Variants in STK32B observed in about 807,000 individuals in gnomAD.
STK32B encodes the protein serine/threonine-protein kinase 32B.
STK32B carries 43 observed loss-of-function variants against 52.6 expected under a neutral mutation model. That is an observed-to-expected ratio of 0.82 (90% CI 0.64 to 1.05). The LOEUF (loss-of-function observed/expected upper bound fraction) is 1.05. Ranked by LOEUF, STK32B falls within the 50% of genes least tolerant of loss-of-function variation. STK32B has a pLI of 0.00. For synonymous variants in STK32B, 238 were observed against 204.3 expected (o/e 1.17, Z -1.41); for missense variants, 621 against 534.6 (o/e 1.16, Z -1.59).
chr4:5,027,363 C>A, the STK32B span, among the ~76,000 whole-genome samples: 1 of 152,148 alleles, frequency 6.6e-6, no homozygotes, highest in African/African-American at 2.4e-5. Context: ...TGAGAAACAG[C>A]AGGCAGGAGG....
intron 4 of STK32B, among the ~76,000 whole-genome samples, chr4:5,363,333 T>C (rs991404771): frequency 6.6e-6 from 1 of 152,240 alleles, no homozygotes; most frequent in Non-Finnish European, 1.5e-5. Context: ...ATTCCACTTT[T>C]TTTAGAGGTG....
At chr4:5,105,055 G>C (rs1398595353) in intron 1 of STK32B, among the ~76,000 whole-genome samples, 2 of 152,212 alleles carry the variant, frequency 1.3e-5, no homozygotes, top group Non-Finnish European at 2.9e-5. Flanking sequence ...TGCGACGTAA[G>C]AGGGATCCCT....
the STK32B span, among the ~76,000 whole-genome samples, chr4:5,030,526 G>C: frequency 6.6e-6 from 1 of 152,236 alleles, no homozygotes; most frequent in Non-Finnish European, 1.5e-5. Flanking sequence ...GATACAGTGT[G>C]AGCCGGGTGT....
At chr4:5,459,102 G>A (rs1421208418) in intron 8 of STK32B, among the ~76,000 whole-genome samples, 2 of 152,230 alleles carry the variant, frequency 1.3e-5, no homozygotes. Flanking sequence ...GGCACCCACT[G>A]TTTTGGGACA....
At chr4:5,370,151 A>G (rs1373366531) in intron 4 of STK32B, among the ~76,000 whole-genome samples, 1 of 151,680 alleles carries the variant, frequency 6.6e-6, no homozygotes, top group African/African-American at 2.4e-5. Flanking sequence ...CTGGGATTAC[A>G]GGCGTGAGCC....
chr4:5,223,682 T>C (rs1368249836), intron 3 of STK32B, among the ~76,000 whole-genome samples: 1 of 151,972 alleles, frequency 6.6e-6, no homozygotes, highest in South Asian at 2.1e-4. Context: ...CCAGGCGTGG[T>C]GGTGGACACC....
chr4:5,074,212 G>GCA (rs1056673814), intron 1 of STK32B, among the ~76,000 whole-genome samples: 5 of 151,538 alleles, frequency 3.3e-5, no homozygotes, highest in Middle Eastern at 3.4e-3. Context: ...GTGTGTGTGC[G>GCA]CGTGCGTGAA....
At chr4:5,480,644 C>T (rs867747779) in intron 11 of STK32B, among the ~76,000 whole-genome samples, 2 of 151,832 alleles carry the variant, frequency 1.3e-5, no homozygotes, top group African/African-American at 4.8e-5. Context: ...AGGTTAGTTA[C>T]ATTTGTGTAC....
chr4:5,379,191 A>G (rs143095760), intron 4 of STK32B, among the ~76,000 whole-genome samples: 1,708 of 152,240 alleles, frequency 0.011, 20 homozygotes, highest in South Asian at 0.057. Flanking sequence ...GCGGAGCTGG[A>G]CTGGAACCCA....
intron 4 of STK32B, among the ~76,000 whole-genome samples, chr4:5,342,215 T>A (rs10018232): frequency 0.35 from 52,842 of 151,934 alleles, 11,880 homozygotes; most frequent in African/African-American, 0.64. Context: ...TACCCAAAGG[T>A]TTATAAATCA....
chr4:5,457,306 C>T (rs9762808), intron 8 of STK32B, among the ~76,000 whole-genome samples: 4,321 of 150,450 alleles, frequency 0.029, 212 homozygotes, highest in African/African-American at 0.099. Context: ...AGCTCCGCCT[C>T]CCGGGTTCAC....
chr4:5,229,063 A>C (rs545250432), intron 3 of STK32B, among the ~76,000 whole-genome samples: 1 of 152,186 alleles, frequency 6.6e-6, no homozygotes, highest in Non-Finnish European at 1.5e-5. Context: ...CTTAATTAAA[A>C]ATACTTTATT....
the STK32B span, among the ~76,000 whole-genome samples, chr4:5,032,738 A>G: frequency 2.0e-5 from 3 of 152,132 alleles, no homozygotes; most frequent in East Asian, 5.8e-4. Context: ...ATCTACCTCT[A>G]GAACTTTCTC....
chr4:5,172,792 A>T (rs538285535), intron 3 of STK32B, among the ~76,000 whole-genome samples: 3 of 152,178 alleles, frequency 2.0e-5, no homozygotes, highest in South Asian at 2.1e-4. Context: ...TGTCTCTGCC[A>T]GGCTTTGGTA....
intron 2 of STK32B, among the ~76,000 whole-genome samples, chr4:5,163,583 A>AGTGTGTGTGTGTGT (rs1560189497): frequency 1.0e-5 from 1 of 99,254 alleles, no homozygotes; most frequent in Non-Finnish European, 2.4e-5. Context: ...TGTGTGTGTA[A>AGTGTGTGTGTGTGT]GAGAGAGAGA....
intron 3 of STK32B, among the ~76,000 whole-genome samples, chr4:5,281,503 C>T (rs866901003): frequency 1.2e-3 from 179 of 152,206 alleles, no homozygotes; most frequent in African/African-American, 4.1e-3. Flanking sequence ...AGGCCCTAAA[C>T]CCTAGATTAC....
chr4:5,379,215 C>T (rs917313397), intron 4 of STK32B, among the ~76,000 whole-genome samples: 3 of 152,266 alleles, frequency 2.0e-5, no homozygotes, highest in East Asian at 3.9e-4. Context: ...CTCCAAAGCC[C>T]GTGGCATCGG....
chr4:5,153,958 C>T (rs1424108672), intron 2 of STK32B, among the ~76,000 whole-genome samples: 1 of 152,034 alleles, frequency 6.6e-6, no homozygotes, highest in African/African-American at 2.4e-5. Context: ...ATCAAAGTCA[C>T]AGAAGATTTT....
chr4:5,471,097 A>G (rs1172201266), intron 11 of STK32B, among the ~76,000 whole-genome samples: 2 of 152,192 alleles, frequency 1.3e-5, no homozygotes, highest in African/African-American at 4.8e-5. Context: ...AAGATAAATC[A>G]CACATCACAC....
Sources: allele counts gnomAD v4.1 joint callset (sites outside exome capture counted in the v4.1 genomes callset), GRCh38; gene constraint gnomAD v4.1.1; transcripts MANE v1.5; gene names NCBI Gene and HGNC (gene_info 2026-07-23, HGNC 2026-07-21).